KIAA0930: variants seen among roughly 807,000 people sequenced by gnomAD.
KIAA0930 encodes uncharacterized protein KIAA0930.
A neutral mutation model predicts 43.9 loss-of-function variants in KIAA0930; 24 were observed. The ratio of observed to expected loss-of-function variants is 0.55; its 90% confidence interval spans 0.40 to 0.77. The LOEUF (loss-of-function observed/expected upper bound fraction) is 0.77. Ranked by LOEUF, KIAA0930 falls within the 30% of genes least tolerant of loss-of-function variation. KIAA0930 has a pLI of 0.00. For missense variants in KIAA0930, 461 were observed against 574.2 expected (o/e 0.80, Z 2.02); for synonymous variants, 259 against 216.4 (o/e 1.20, Z -1.73).
chr22:45,199,406 A>G (rs1342108262), intron 8 of KIAA0930, among the ~76,000 whole-genome samples: 1 of 152,132 alleles, frequency 6.6e-6, no homozygotes, highest in Non-Finnish European at 1.5e-5. Context: ...TGTGTCACCA[A>G]AGAGCACGTG....
rs749906566 is a variant in KIAA0930, at chr22:45,203,167, G to T, written c.675C>A (p.Arg225=). The change falls in exon 7 of 10, where the codon CGC becomes CGA. Residue 225 remains arginine, a synonymous_variant. Coordinates refer to ENST00000336156, the MANE Select transcript of KIAA0930 (RefSeq NM_001009880.2). ...VYDNRVSVAA[R]MAQKMSFGFY... ...AGCCAAACGACATCTTCTGTGCCATGCGGGCGGCCACGCTCACCTGGGGGC... is the reference window on the plus strand; with the variant it reads ...AGCCAAACGACATCTTCTGTGCCATTCGGGCGGCCACGCTCACCTGGGGGC... The T allele has an allele frequency of 9.3e-6, 15 of 1,606,434 alleles. No individual in the cohort carries two copies. In the East Asian group the frequency reaches 3.1e-4, roughly 34 times the overall value.
chr22:45,201,120 C>T (rs2083585117), intron 7 of KIAA0930: 1 of 446,026 alleles, frequency 2.2e-6, no homozygotes, highest in Non-Finnish European at 4.6e-6. Context: ...AAAGTCCTGG[C>T]AGCTGCTGGG....
At chr22:45,212,186 C>T in intron 1 of KIAA0930, 79 bp from the exon 2 acceptor site, 1 of 1,613,270 alleles carries the variant, frequency 6.2e-7, no homozygotes, top group African/African-American at 1.3e-5. Context: ...AAGCTGCGCC[C>T]ATACCCCCAC....
At chr22:45,221,350 A>G (rs1325579129) in intron 1 of KIAA0930, among the ~76,000 whole-genome samples, 2 of 152,258 alleles carry the variant, frequency 1.3e-5, no homozygotes, top group African/African-American at 4.8e-5. Flanking sequence ...AAGAAATGGC[A>G]TGCCATGGCG....
chr22:45,205,496 G>C, intron 4 of KIAA0930, 134 bp downstream of exon 4: 1 of 930,378 alleles, frequency 1.1e-6, no homozygotes, highest in East Asian at 2.5e-5. Flanking sequence ...CGGGATCCCA[G>C]GAGCTGAGCA....
intron 1 of KIAA0930, among the ~76,000 whole-genome samples, chr22:45,225,527 C>G (rs2083793668): frequency 6.6e-6 from 1 of 152,344 alleles, no homozygotes; most frequent in East Asian, 1.9e-4. Context: ...ATGTTCCAGC[C>G]AGCCTCGGCC....
chr22:45,236,947 C>A (rs1314899663), intron 1 of KIAA0930, among the ~76,000 whole-genome samples: 1 of 152,216 alleles, frequency 6.6e-6, no homozygotes, highest in African/African-American at 2.4e-5. Flanking sequence ...GGATGTGGGT[C>A]CCACCTGCTC....
chr22:45,203,752 A>T (rs1601810690), intron 6 of KIAA0930, 93 bp downstream of exon 6: 2 of 1,435,706 alleles, frequency 1.4e-6, no homozygotes, highest in East Asian at 4.9e-5. Context: ...ATGCACAAGC[A>T]GGCTGGGGGG....
At chr22:45,199,552 C>A (rs897119520) in intron 8 of KIAA0930, among the ~76,000 whole-genome samples, 2 of 152,208 alleles carry the variant, frequency 1.3e-5, no homozygotes, top group African/African-American at 4.8e-5. Flanking sequence ...ATCACCCATC[C>A]GCTTTCTTCC....
chr22:45,229,322 C>CCCG lies in KIAA0930; in HGVS notation c.64+11317_64+11318insCGG, dbSNP rs1569084346. On this transcript the variant is annotated intron_variant, in intron 1 of 9. Transcript: ENST00000336156. ...CACCTGAAAGATCCCTCTCCACATCCCCACCACCACTCACCGGAAAGATCC... is the reference window on the plus strand; with the variant it reads ...CACCTGAAAGATCCCTCTCCACATCCCCGCCACCACCACTCACCGGAAAGATCC... 1.3e-4 allele frequency among the ~76,000 whole-genome samples: 10 copies of CCCG among 78,490 alleles called. 1 individual carries two copies. Among genetic ancestry groups the CCCG allele is most frequent in the African/African-American group, 1.9e-4 (3 of 15,458 alleles). The allele number at this position is 78,490 out of a possible 152,430, so 51.5% of individuals were successfully genotyped here.
chr22:45,202,829 G>C (rs373358378), intron 7 of KIAA0930, 161 bp downstream of exon 7: 3 of 589,654 alleles, frequency 5.1e-6, no homozygotes, highest in African/African-American at 3.8e-5. Flanking sequence ...CAAAGAGAAG[G>C]GCTGGGTGGT....
At chr22:45,216,027 CA>C (rs35402834) in intron 1 of KIAA0930, among the ~76,000 whole-genome samples, 11,474 of 145,072 alleles carry the variant, frequency 0.079, 1,125 homozygotes, top group African/African-American at 0.22. Context: ...GACTCCGTCT[CA>C]AAAAAAAAAC....
At chr22:45,232,447 T>C (rs1157248464) in intron 1 of KIAA0930, among the ~76,000 whole-genome samples, 1 of 152,206 alleles carries the variant, frequency 6.6e-6, no homozygotes, top group Non-Finnish European at 1.5e-5. Context: ...GTCTCCTCAC[T>C]TGCACCACGG....
At chr22:45,240,480 G>A (rs951458792) in intron 1 of KIAA0930, among the ~76,000 whole-genome samples, 160 bp downstream of exon 1, 4 of 152,018 alleles carry the variant, frequency 2.6e-5, no homozygotes, top group African/African-American at 9.7e-5. Flanking sequence ...ACGGTGGGGG[G>A]GGGGCCATGG....
At chr22:45,208,705 G>A (rs964931884) in intron 2 of KIAA0930, among the ~76,000 whole-genome samples, 8 of 152,230 alleles carry the variant, frequency 5.3e-5, no homozygotes, top group Non-Finnish European at 1.2e-4. Context: ...ATCAAACTGT[G>A]TACACGTCTG....
At chr22:45,215,110 C>T (rs1027908010) in intron 1 of KIAA0930, among the ~76,000 whole-genome samples, 1 of 149,954 alleles carries the variant, frequency 6.7e-6, no homozygotes, top group African/African-American at 2.5e-5. Context: ...CCCAGCTACT[C>T]GGGAGGCTGA....
At chr22:45,212,211 A>C in intron 1 of KIAA0930, 104 bp from the exon 2 acceptor site, 1 of 1,612,900 alleles carries the variant, frequency 6.2e-7, no homozygotes, top group Non-Finnish European at 8.5e-7. Context: ...CTGGCCAGAA[A>C]TTTGCGAGGG....
At chr22:45,236,544 C>T (rs2083889699) in intron 1 of KIAA0930, among the ~76,000 whole-genome samples, 1 of 152,102 alleles carries the variant, frequency 6.6e-6, no homozygotes, top group Non-Finnish European at 1.5e-5. Context: ...GTTCACAGCT[C>T]CACTGGGGTC....
At chr22:45,208,707 A>T (rs1174115618) in intron 2 of KIAA0930, among the ~76,000 whole-genome samples, 3 of 152,240 alleles carry the variant, frequency 2.0e-5, no homozygotes, top group African/African-American at 7.2e-5. Context: ...CAAACTGTGT[A>T]CACGTCTGTG....
Sources: allele counts gnomAD v4.1 joint callset (sites outside exome capture counted in the v4.1 genomes callset), GRCh38; gene constraint gnomAD v4.1.1; transcripts MANE v1.5; gene names NCBI Gene and HGNC (gene_info 2026-07-23, HGNC 2026-07-21).